The following KYAT3 variants were observed in gnomAD, a reference collection of about 807,000 sequenced individuals.
KYAT3 encodes the protein kynurenine--oxoglutarate transaminase 3.
In KYAT3, 50 loss-of-function variants were observed where a neutral mutation model predicts 59.0. The ratio of observed to expected loss-of-function variants is 0.85; its 90% CI spans 0.68 to 1.07. The LOEUF is 1.07. Ranked by LOEUF, KYAT3 falls within the 50% of genes least tolerant of loss-of-function variation. The pLI, the probability that KYAT3 is intolerant of heterozygous loss-of-function variation, is 0.00. For missense variants in KYAT3, 497 were observed against 533.3 expected (o/e 0.93, Z 0.67); for synonymous variants, 148 against 177.0 (o/e 0.84, Z 1.30).
In KYAT3 at chr1:88,968,650, T is replaced by C; in HGVS notation, c.303+20A>G. 4 of 1,532,382 alleles carry C rather than the reference T, an allele frequency of 2.6e-6. No individual in the cohort carries two copies. Among genetic ancestry groups the C allele is most frequent in the Non-Finnish European group, 3.5e-6 (4 of 1,146,704 alleles). The allele number at this position is 1,532,382 out of a possible 1,614,324, so 94.9% of individuals were successfully genotyped here. The stretch of plus-strand genomic sequence containing the variant: ...GTATAAAATAAAAGCTCATGGCCCA[T>C]ATGGTCTTGATATACTTACAAAGCC... On this transcript the variant is annotated intron_variant, in intron 4 of 13. Transcript: ENST00000260508.
At chr1:88,982,329 C>G in intron 2 of KYAT3, 1 of 719,688 alleles carries the variant, frequency 1.4e-6, no homozygotes, top group Non-Finnish European at 1.8e-6. Flanking sequence ...CTTAGAATTG[C>G]TTGCCTCATT....
At chr1:88,988,031 G>A (rs1049934786) in intron 2 of KYAT3, among the ~76,000 whole-genome samples, 1 of 152,172 alleles carries the variant, frequency 6.6e-6, no homozygotes, top group Non-Finnish European at 1.5e-5. Context: ...ACAAAATGAG[G>A]TAATGAATAT....
chr1:88,940,733 GACCA>G (rs374311316), intron 13 of KYAT3, among the ~76,000 whole-genome samples: 3 of 152,178 alleles, frequency 2.0e-5, no homozygotes, highest in African/African-American at 7.2e-5. Context: ...GAAATCTATA[GACCA>G]ACCAGAGTCT....
At position 88,943,338 on chromosome 1, in the gene KYAT3, A is replaced by C. The variant is rs768806725; in HGVS notation, c.1215+12T>G. On this transcript the variant is annotated intron_variant, in intron 12 of 13. Transcript: ENST00000260508. ...AATATAACAGAATCTTGCAAAGAACAATAAACATTACCTTATGTTTAGTCA... is the reference window on the plus strand; with the variant it reads ...AATATAACAGAATCTTGCAAAGAACCATAAACATTACCTTATGTTTAGTCA... The C allele has an allele frequency of 2.0e-5, 29 of 1,435,258 alleles. No homozygotes were observed. The highest frequency in any genetic ancestry group is 2.8e-5 in the African/African-American group (2 of 70,218). The allele number at this position is 1,435,258 out of a possible 1,614,324, so 88.9% of individuals were successfully genotyped here.
the KYAT3 span, among the ~76,000 whole-genome samples, chr1:88,926,083 T>A: frequency 1.3e-5 from 2 of 152,164 alleles, no homozygotes; most frequent in Non-Finnish European, 2.9e-5. Context: ...AGTAGAAAAT[T>A]AGCCTTTAGA....
Position 88,984,204 on chromosome 1 carries a change from C to CTTTTTTTTTTTTTTTTTTTTT in KYAT3, c.99+4027_99+4047dup, listed in dbSNP as rs908183722. 3.7e-5 allele frequency: 3 copies of CTTTTTTTTTTTTTTTTTTTTT among 81,470 alleles called. 1 individual carries two copies. Among genetic ancestry groups the CTTTTTTTTTTTTTTTTTTTTT allele is most frequent in the Non-Finnish European group, 5.2e-5 (2 of 38,168 alleles). 5.0% of individuals were successfully genotyped at this position (81,470 alleles called of 1,614,324 possible). ...ATTAACAGGAGCCCTTTTTTTGTTG[C>CTTTTTTTTTTTTTTTTTTTTT]TTTTTTTTTTTTTTTTTTTTTTTTT... On this transcript the variant is annotated intron_variant, in intron 2 of 13. Coordinates refer to ENST00000260508, the MANE Select transcript of KYAT3 (RefSeq NM_001008661.3).
At chr1:88,983,886 C>T in intron 2 of KYAT3, 2 of 1,605,372 alleles carry the variant, frequency 1.2e-6, no homozygotes, top group Admixed American at 1.7e-5. Context: ...ACAAGCTCGC[C>T]GACAGGGGCT....
the KYAT3 span, among the ~76,000 whole-genome samples, chr1:88,922,546 A>G: frequency 1.3e-5 from 2 of 152,130 alleles, no homozygotes; most frequent in African/African-American, 2.4e-5. Context: ...CATGATCCCT[A>G]TTATGAACTG....
intron 11 of KYAT3, among the ~76,000 whole-genome samples, chr1:88,943,806 T>C (rs562821804): frequency 6.6e-6 from 1 of 152,340 alleles, no homozygotes; most frequent in East Asian, 1.9e-4. Flanking sequence ...AGTAAGATTA[T>C]ATCTCCACAT....
chr1:88,986,099 T>C (rs1386494140), intron 2 of KYAT3, among the ~76,000 whole-genome samples: 1 of 151,400 alleles, frequency 6.6e-6, no homozygotes, highest in Admixed American at 6.6e-5. Flanking sequence ...GAGAATTGCT[T>C]GAACCCGAGA....
chr1:88,924,065 C>T, the KYAT3 span, among the ~76,000 whole-genome samples: 3 of 152,214 alleles, frequency 2.0e-5, no homozygotes, highest in Admixed American at 2.0e-4. Context: ...CACCCAGATC[C>T]CCTAGGGTCT....
intron 8 of KYAT3, among the ~76,000 whole-genome samples, chr1:88,956,854 T>C (rs12058419): frequency 0.032 from 4,801 of 152,304 alleles, 220 homozygotes; most frequent in African/African-American, 0.11. Context: ...CCCACAATAC[T>C]GCTTTGTGGA....
intron 2 of KYAT3, chr1:88,980,585 A>G (rs1328371918): frequency 1.3e-5 from 2 of 152,664 alleles, no homozygotes; most frequent in African/African-American, 4.8e-5. Flanking sequence ...GTATAAACCC[A>G]GAAGAATCAA....
chr1:88,946,973 T>A (rs1292456483), intron 11 of KYAT3, among the ~76,000 whole-genome samples: 1 of 152,220 alleles, frequency 6.6e-6, no homozygotes, highest in Admixed American at 6.5e-5. Flanking sequence ...TATAAGTTGG[T>A]CTTTCTTATA....
the KYAT3 span, among the ~76,000 whole-genome samples, chr1:88,921,427 T>A: frequency 6.6e-6 from 1 of 152,196 alleles, no homozygotes; most frequent in East Asian, 1.9e-4. Flanking sequence ...AAGGTAGATA[T>A]TATTGGTTTT....
intron 2 of KYAT3, chr1:88,982,935 G>A: frequency 3.7e-6 from 6 of 1,613,926 alleles, no homozygotes; most frequent in Non-Finnish European, 4.2e-6. Flanking sequence ...GGGGGCCCTC[G>A]TGTAAGTGGA....
intron 5 of KYAT3, among the ~76,000 whole-genome samples, chr1:88,963,970 AG>A (rs1676242651): frequency 6.6e-6 from 1 of 152,234 alleles, no homozygotes. Context: ...TGGGAGGCTG[AG>A]GCAGGCGGAT....
rs1336099278 is a variant in KYAT3, at chr1:88,964,853, T to C, written c.429A>G (p.Gln143=). The C allele has an allele frequency of 6.3e-7, 1 of 1,599,044 alleles. No individual in the cohort carries two copies. Among genetic ancestry groups the C allele is most frequent in the Admixed American group, 1.8e-5 (1 of 55,562 alleles). ...CTTCATCTCCCTCATCAATTAATGC[T>C]TGAATGGTGTTAAAAAGAGATCCAT... The part of the protein sequence containing the change: ...GAYGSLFNTI[Q]ALIDEGDEVI... Residue 143 remains glutamine, a synonymous_variant, in exon 5 of 14, where the codon CAA becomes CAG. Coordinates refer to ENST00000260508, the MANE Select transcript of KYAT3 (RefSeq NM_001008661.3).
intron 8 of KYAT3, among the ~76,000 whole-genome samples, chr1:88,959,572 CAA>C (rs33949703): frequency 0.29 from 33,805 of 118,214 alleles, 4,926 homozygotes; most frequent in Admixed American, 0.37. Context: ...GACTCTGTCT[CAA>C]AAAAAAAAAA....
Sources: gnomAD v4.1 joint callset for allele counts (sites outside exome capture counted in the v4.1 genomes callset) on GRCh38, gnomAD v4.1.1 for gene constraint, MANE v1.5 for transcripts, NCBI Gene and HGNC (gene_info 2026-07-23, HGNC 2026-07-21) for gene names.